ENOX1: variants seen among roughly 807,000 people sequenced by gnomAD.
ENOX1 encodes the protein ecto-NOX disulfide-thiol exchanger 1, also known as candidate growth-related and time keeping constitutive hydroquinone (NADH) oxidase.
Under a neutral mutation model 82.5 loss-of-function variants are expected in ENOX1, and 42 were observed. That is an observed-to-expected ratio of 0.51 (90% CI 0.40 to 0.66). The LOEUF is 0.66. Among genes scored for constraint, ENOX1 ranks in the 30% least tolerant of loss-of-function variants. ENOX1 has a pLI of 0.00. For synonymous variants in ENOX1, 271 were observed against 282.2 expected (o/e 0.96, Z 0.40); for missense variants, 608 against 811.6 (o/e 0.75, Z 3.05).
intron 8 of ENOX1, among the ~76,000 whole-genome samples, chr13:43,347,321 T>C (rs2049454099): frequency 6.6e-6 from 1 of 152,196 alleles, no homozygotes; most frequent in Admixed American, 6.5e-5. Flanking sequence ...TTCTAACATG[T>C]TAACAAGTAC....
chr13:43,370,793 CATT>C (rs1293387916), intron 5 of ENOX1, among the ~76,000 whole-genome samples: 2 of 152,170 alleles, frequency 1.3e-5, no homozygotes, highest in Non-Finnish European at 2.9e-5. Context: ...ATTTCTATAT[CATT>C]GTCTTTTTTG....
intron 1 of ENOX1, among the ~76,000 whole-genome samples, chr13:43,703,673 G>A (rs1456051440): frequency 2.6e-5 from 4 of 152,104 alleles, no homozygotes; most frequent in Non-Finnish European, 5.9e-5. Flanking sequence ...TAGGAGTTAA[G>A]AGAATTTACC....
chr13:43,533,967 T>C (rs1282538216), intron 2 of ENOX1, among the ~76,000 whole-genome samples: 3 of 152,160 alleles, frequency 2.0e-5, no homozygotes, highest in Admixed American at 2.0e-4. Context: ...TCTCAAACTG[T>C]GAACATTGAT....
chr13:43,579,871 G>C (rs2080624704), intron 2 of ENOX1, among the ~76,000 whole-genome samples: 1 of 152,172 alleles, frequency 6.6e-6, no homozygotes, highest in South Asian at 2.1e-4. Flanking sequence ...TAAGTGGAGG[G>C]ATATGACACT....
chr13:43,663,384 GC>G (rs2084825013), intron 2 of ENOX1, among the ~76,000 whole-genome samples: 1 of 152,080 alleles, frequency 6.6e-6, no homozygotes, highest in Non-Finnish European at 1.5e-5. Flanking sequence ...ACAGAAACAT[GC>G]CCTGCCCCCT....
intron 11 of ENOX1, among the ~76,000 whole-genome samples, chr13:43,301,483 C>T (rs540511026): frequency 1.9e-4 from 29 of 151,144 alleles, no homozygotes; most frequent in Admixed American, 5.9e-4. Flanking sequence ...CAAGTGACTA[C>T]AGTGCCTGCC....
intron 2 of ENOX1, among the ~76,000 whole-genome samples, chr13:43,658,597 C>T (rs1159629365): frequency 6.6e-6 from 1 of 152,040 alleles, no homozygotes; most frequent in Non-Finnish European, 1.5e-5. Flanking sequence ...TGATGCTATC[C>T]CCAAAGCCTC....
intron 3 of ENOX1, among the ~76,000 whole-genome samples, chr13:43,470,518 C>A (rs1007904808): frequency 2.7e-5 from 4 of 148,920 alleles, no homozygotes; most frequent in Non-Finnish European, 5.9e-5. Flanking sequence ...AACTTCTGCT[C>A]ATCAAAAGAC....
At chr13:43,485,616 A>C (rs1175537741) in intron 2 of ENOX1, among the ~76,000 whole-genome samples, 1 of 152,122 alleles carries the variant, frequency 6.6e-6, no homozygotes, top group Non-Finnish European at 1.5e-5. Context: ...AGAGGAAAAC[A>C]GAGCTAGTTT....
At chr13:43,699,772 C>A (rs2086817326) in intron 1 of ENOX1, among the ~76,000 whole-genome samples, 1 of 152,170 alleles carries the variant, frequency 6.6e-6, no homozygotes. Flanking sequence ...GCACTTCCTT[C>A]CCCACGAACA....
At chr13:43,544,457 C>G (rs375421975) in intron 2 of ENOX1, 2 of 152,110 alleles carry the variant, frequency 1.3e-5, no homozygotes, top group Admixed American at 6.5e-5. Flanking sequence ...TATAAGCAGG[C>G]CTCTTGTTGT....
At chr13:43,514,338 G>A (rs2077480649) in intron 2 of ENOX1, among the ~76,000 whole-genome samples, 1 of 152,150 alleles carries the variant, frequency 6.6e-6, no homozygotes, top group Non-Finnish European at 1.5e-5. Context: ...TCAGGAAAGA[G>A]TCATTTAAAT....
chr13:43,271,855 T>C lies in ENOX1; in HGVS notation c.1447-2278A>G, dbSNP rs577121404. On this transcript the variant is annotated intron_variant, in intron 12 of 16. Transcript: ENST00000690772. Reference sequence around the variant, plus strand: ...AGTGATGTAGTGTCTAGATTTTTATTTCAATGTGTTTTTCCAAAACATATA... The same window carrying C: ...AGTGATGTAGTGTCTAGATTTTTATCTCAATGTGTTTTTCCAAAACATATA... 2.2e-4 allele frequency among the ~76,000 whole-genome samples: 34 copies of C among 152,318 alleles called. No individual in the cohort carries two copies. The East Asian group carries it at 6.4e-3, about 29-fold the overall frequency.
intron 1 of ENOX1, among the ~76,000 whole-genome samples, chr13:43,714,372 G>GA (rs1460157753): frequency 1.3e-5 from 2 of 152,094 alleles, no homozygotes; most frequent in African/African-American, 4.8e-5. Context: ...GTGTGGTGCT[G>GA]AAAAAAATGT....
chr13:43,348,339 T>TA (rs1210587785), intron 8 of ENOX1, among the ~76,000 whole-genome samples: 2 of 152,252 alleles, frequency 1.3e-5, no homozygotes, highest in African/African-American at 4.8e-5. Flanking sequence ...AATATGAGAA[T>TA]AAAATTTCCA....
chr13:43,671,849 C>T (rs1594348898), intron 1 of ENOX1, among the ~76,000 whole-genome samples: 1 of 152,132 alleles, frequency 6.6e-6, no homozygotes, highest in Non-Finnish European at 1.5e-5. Flanking sequence ...TAGCAAGTCA[C>T]TCCATTTCAA....
intron 15 of ENOX1, among the ~76,000 whole-genome samples, chr13:43,225,640 C>T (rs564371557): frequency 1.3e-5 from 2 of 152,244 alleles, no homozygotes; most frequent in South Asian, 4.2e-4. Context: ...CTATAGGTGA[C>T]CTTGGATTGA....
chr13:43,657,803 T>C (rs1439335735), intron 2 of ENOX1, among the ~76,000 whole-genome samples: 1 of 152,238 alleles, frequency 6.6e-6, no homozygotes, highest in Non-Finnish European at 1.5e-5. Context: ...ATGGAGTGAC[T>C]GCTCTAACAA....
At chr13:43,358,352 G>T (rs78202098) in intron 7 of ENOX1, among the ~76,000 whole-genome samples, 2,103 of 149,204 alleles carry the variant, frequency 0.014, 45 homozygotes, top group East Asian at 0.055. Flanking sequence ...CCAACCAAAT[G>T]TGTATCCAAA....
Sources: allele counts gnomAD v4.1 joint callset (sites outside exome capture counted in the v4.1 genomes callset), GRCh38; gene constraint gnomAD v4.1.1; transcripts MANE v1.5; gene names NCBI Gene and HGNC (gene_info 2026-07-23, HGNC 2026-07-21).